Variants in GREB1L observed in about 807,000 individuals in gnomAD.
GREB1L encodes GREB1 like retinoic acid receptor coactivator.
GREB1L carries 17 observed loss-of-function variants against 200.8 expected under a neutral mutation model. That is an observed-to-expected ratio of 0.08 (90% CI 0.06 to 0.13). The LOEUF (loss-of-function observed/expected upper bound fraction) is 0.13. Ranked by LOEUF, GREB1L falls within the 10% of genes least tolerant of loss-of-function variation. GREB1L has a pLI of 1.00. For missense variants in GREB1L, 1,657 were observed against 2,367.7 expected, an observed-to-expected ratio of 0.70 and a Z score of 6.23; for synonymous variants, 789 against 893.0, an observed-to-expected ratio of 0.88 and a Z score of 2.08.
intron 7 of GREB1L, among the ~76,000 whole-genome samples, chr18:21,411,167 G>A (rs761568128): frequency 1.2e-4 from 18 of 151,420 alleles, no homozygotes; most frequent in Non-Finnish European, 2.4e-4. Flanking sequence ...TCCCAAATTG[G>A]CAGTGAATTT....
At chr18:21,510,178 C>T (rs868787012) in intron 27 of GREB1L, among the ~76,000 whole-genome samples, 3 of 147,542 alleles carry the variant, frequency 2.0e-5, no homozygotes, top group Non-Finnish European at 4.4e-5. Flanking sequence ...CATGCCACTG[C>T]ACACCAGCCT....
intron 16 of GREB1L, among the ~76,000 whole-genome samples, chr18:21,476,425 G>T (rs1305942511): frequency 6.6e-6 from 1 of 152,026 alleles, no homozygotes; most frequent in African/African-American, 2.4e-5. Flanking sequence ...AAGAAATTTT[G>T]CCCACATCTG....
Position 21,495,060 on chromosome 18 carries a change from A to G in GREB1L, c.3031-610A>G, listed in dbSNP as rs531863603. Among the ~76,000 whole-genome samples, 7 of 152,268 alleles carry G rather than the reference A, an allele frequency of 4.6e-5. No homozygotes were observed. In the South Asian group the frequency reaches 1.5e-3, roughly 32 times the overall value. ...AGTTTCGTTTTGTTGTTTTTTTCTC[A>G]ATCCAGGTCTGGTTATATTTTTAGC... is the stretch of plus-strand genomic sequence containing the variant. On this transcript the variant is annotated intron_variant, in intron 19 of 32. Coordinates refer to ENST00000424526, the MANE Select transcript of GREB1L (RefSeq NM_001142966.3).
chr18:21,482,213 G>GA (rs1191180310), intron 17 of GREB1L, among the ~76,000 whole-genome samples: 1 of 152,182 alleles, frequency 6.6e-6, no homozygotes, highest in Non-Finnish European at 1.5e-5. Context: ...AAATATTTTT[G>GA]AGGCGTTCCC....
chr18:21,357,347 C>T (rs1313325634), intron 1 of GREB1L, among the ~76,000 whole-genome samples: 1 of 152,242 alleles, frequency 6.6e-6, no homozygotes, highest in East Asian at 1.9e-4. Context: ...CCTCTGCGCC[C>T]AGCCTACTTG....
chr18:21,264,386 C>G (rs1232814715), intron 1 of GREB1L, among the ~76,000 whole-genome samples: 1 of 152,018 alleles, frequency 6.6e-6, no homozygotes, highest in Admixed American at 6.6e-5. Context: ...TTAATCTACT[C>G]CTTACTCTAT....
chr18:21,475,363 CTTA>C (rs1363532078), intron 16 of GREB1L, among the ~76,000 whole-genome samples: 5 of 152,066 alleles, frequency 3.3e-5, no homozygotes, highest in African/African-American at 9.6e-5. Context: ...ACTGGATGAA[CTTA>C]TTATTATTTT....
At chr18:21,395,830 A>G (rs1302799171) in intron 5 of GREB1L, among the ~76,000 whole-genome samples, 2 of 151,150 alleles carry the variant, frequency 1.3e-5, no homozygotes, top group South Asian at 4.2e-4. Flanking sequence ...CCCAGGTTCA[A>G]GTGATTCTCC....
At chr18:21,489,413 TTAG>T (rs2036246307) in intron 18 of GREB1L, among the ~76,000 whole-genome samples, 1 of 152,210 alleles carries the variant, frequency 6.6e-6, no homozygotes, top group Non-Finnish European at 1.5e-5. Flanking sequence ...TGACCTCAGA[TTAG>T]TAGTAATAAT....
At chr18:21,499,708 G>C (rs1598933320) in intron 21 of GREB1L, 21 bp from the exon 22 acceptor site, 1 of 1,521,038 alleles carries the variant, frequency 6.6e-7, no homozygotes, top group African/African-American at 1.4e-5. Context: ...TGTGGGGTGG[G>C]TTCTGTCTGT....
In GREB1L at chr18:21,517,962, C is replaced by T; in HGVS notation, c.5272-72C>T. The T allele has an allele frequency of 2.5e-6, 3 of 1,192,608 alleles. No individual in the cohort carries two copies. The South Asian group carries it at 4.1e-5, about 16-fold the overall frequency. 73.9% of individuals were successfully genotyped at this position (1,192,608 alleles called of 1,614,324 possible). ...ATTATTTGGCGACTGTTAGGATACA[C>T]TTCAGTGTTTCCTCACCTGTTTAAT... is the stretch of plus-strand genomic sequence containing the variant. On this transcript the variant is annotated intron_variant, in intron 30 of 32. Transcript: ENST00000424526.
intron 27 of GREB1L, among the ~76,000 whole-genome samples, 175 bp from the exon 28 acceptor site, chr18:21,513,646 G>A (rs1002876683): frequency 6.6e-6 from 1 of 152,184 alleles, no homozygotes; most frequent in Non-Finnish European, 1.5e-5. Flanking sequence ...ATTTAAAAGT[G>A]ATTCCCAGTA....
At chr18:21,391,573 G>A (rs1216420811) in intron 4 of GREB1L, among the ~76,000 whole-genome samples, 2 of 152,220 alleles carry the variant, frequency 1.3e-5, no homozygotes, top group Non-Finnish European at 2.9e-5. Flanking sequence ...TACTGTTTCT[G>A]GTGGTTGAGT....
intron 1 of GREB1L, among the ~76,000 whole-genome samples, chr18:21,358,035 G>C (rs966073455): frequency 6.6e-6 from 1 of 152,110 alleles, no homozygotes; most frequent in Non-Finnish European, 1.5e-5. Context: ...CATTGAATCT[G>C]AAGACTGCTT....
chr18:21,293,725 A>G (rs1345337101), intron 1 of GREB1L, among the ~76,000 whole-genome samples: 1 of 152,216 alleles, frequency 6.6e-6, no homozygotes, highest in African/African-American at 2.4e-5. Flanking sequence ...CTAGGAATGA[A>G]TAAGACATGG....
intron 1 of GREB1L, among the ~76,000 whole-genome samples, chr18:21,248,193 A>G (rs2037639483): frequency 1.3e-5 from 2 of 152,188 alleles, no homozygotes; most frequent in Non-Finnish European, 2.9e-5. Context: ...GTGAAGCAAG[A>G]CACTTGTAAA....
At chr18:21,367,963 A>T (rs1467710181) in intron 2 of GREB1L, among the ~76,000 whole-genome samples, 1 of 152,208 alleles carries the variant, frequency 6.6e-6, no homozygotes, top group East Asian at 1.9e-4. Context: ...TTATGAAAGG[A>T]GACTGTTAGA....
chr18:21,271,070 A>C (rs569854057), intron 1 of GREB1L, among the ~76,000 whole-genome samples: 2 of 152,312 alleles, frequency 1.3e-5, no homozygotes, highest in South Asian at 4.1e-4. Flanking sequence ...TATTGATTTA[A>C]AGGAAACACA....
chr18:21,487,871 C>T (rs1475463014), intron 18 of GREB1L, among the ~76,000 whole-genome samples: 1 of 150,460 alleles, frequency 6.6e-6, no homozygotes, highest in East Asian at 2.0e-4. Context: ...ATTAGCCAGG[C>T]GTGGTGGCGG....
Sources: gnomAD v4.1 joint callset for allele counts (sites outside exome capture counted in the v4.1 genomes callset) on GRCh38, gnomAD v4.1.1 for gene constraint, MANE v1.5 for transcripts, NCBI Gene and HGNC (gene_info 2026-07-23, HGNC 2026-07-21) for gene names.